Variants in ERBB4 observed in about 807,000 individuals in gnomAD.
The protein encoded by ERBB4 is erb-b2 receptor tyrosine kinase 4.
In ERBB4, 42 loss-of-function variants were observed where a neutral mutation model predicts 158.0. That is an observed-to-expected ratio of 0.27 (90% CI 0.21 to 0.34). ERBB4 has a LOEUF of 0.34. ERBB4 is among the 10% of genes least tolerant of loss of function. The pLI is 1.00. For missense variants in ERBB4, 1,333 were observed against 1,624.1 expected, an observed-to-expected ratio of 0.82 and a Z score of 3.08; for synonymous variants, 583 against 558.7, an observed-to-expected ratio of 1.04 and a Z score of -0.61.
chr2:211,953,392 G>A (rs989700325), intron 2 of ERBB4, among the ~76,000 whole-genome samples: 3 of 133,488 alleles, frequency 2.2e-5, no homozygotes, highest in Non-Finnish European at 3.2e-5. Flanking sequence ...ATTTAAAAAA[G>A]TAAATAAAAC....
rs139550642 is a variant in ERBB4 at position 211,897,076 on chromosome 2, A to G, written c.421+50354T>C. On this transcript the variant is annotated intron_variant, in intron 3 of 27. Coordinates refer to ENST00000342788, the MANE Select transcript of ERBB4 (RefSeq NM_005235.3). Reference sequence around the variant, plus strand: ...ACAAATTATTATATAAGTATAGAATATATTCTATATTATAAAAACACTATG... The same window carrying G: ...ACAAATTATTATATAAGTATAGAATGTATTCTATATTATAAAAACACTATG... 5.9e-4 allele frequency among the ~76,000 whole-genome samples: 89 copies of G among 150,208 alleles called. No homozygotes were observed. The East Asian group carries it at 0.017, about 29-fold the overall frequency.
intron 3 of ERBB4, among the ~76,000 whole-genome samples, chr2:211,913,606 A>AT (rs1553511614): frequency 4.6e-4 from 63 of 136,342 alleles, no homozygotes; most frequent in South Asian, 4.3e-3. Flanking sequence ...ATTTCAAAAA[A>AT]ATATATATAT....
At chr2:211,806,059 T>G (rs2076605861) in intron 3 of ERBB4, among the ~76,000 whole-genome samples, 1 of 152,002 alleles carries the variant, frequency 6.6e-6, no homozygotes, top group South Asian at 2.1e-4. Context: ...ATCAATAAAT[T>G]GAGGCAAATA....
intron 1 of ERBB4, among the ~76,000 whole-genome samples, chr2:212,457,087 C>T (rs1303885480): frequency 1.3e-5 from 2 of 151,762 alleles, no homozygotes; most frequent in Non-Finnish European, 2.9e-5. Context: ...GGCAGGGGTA[C>T]CTAAAAGATA....
At chr2:212,288,563 C>G (rs914044034) in intron 1 of ERBB4, among the ~76,000 whole-genome samples, 160 of 152,222 alleles carry the variant, frequency 1.1e-3, no homozygotes, top group African/African-American at 3.8e-3. Flanking sequence ...GCATAGTAAC[C>G]TGGAATTCAG....
chr2:211,462,809 A>C (rs890340893), intron 20 of ERBB4, among the ~76,000 whole-genome samples: 5 of 152,206 alleles, frequency 3.3e-5, no homozygotes, highest in Non-Finnish European at 7.3e-5. Context: ...ATATTTAAAT[A>C]GTTCATATTG....
chr2:212,479,824 GCA>G (rs1689595528), intron 1 of ERBB4, among the ~76,000 whole-genome samples: 1 of 152,188 alleles, frequency 6.6e-6, no homozygotes, highest in African/African-American at 2.4e-5. Flanking sequence ...GAAAGAGGTA[GCA>G]CACAGAGAGG....
At chr2:212,124,729 G>A (rs746812363) in intron 2 of ERBB4, 23 bp downstream of exon 2, 5 of 1,613,686 alleles carry the variant, frequency 3.1e-6, no homozygotes, top group East Asian at 2.2e-5. Context: ...TCACAAAGAA[G>A]AGAAAGAAAG....
Position 212,538,557 on chromosome 2 carries a change from G to A in ERBB4, c.-27C>T, listed in dbSNP as rs371640361. 2 of 1,602,410 alleles carry A rather than the reference G, an allele frequency of 1.2e-6. No homozygotes were observed. The highest frequency in any genetic ancestry group is 1.7e-6 in the Non-Finnish European group (2 of 1,169,400). On this transcript the variant is annotated 5_prime_UTR_variant, in exon 1 of 28. Coordinates refer to ENST00000342788, the MANE Select transcript of ERBB4 (RefSeq NM_005235.3). ...TTTTGGAAGTCTCAGATCCCGTGCT[G>A]ACAATTACATGTCCAAATGGCATAT...
chr2:211,942,046 C>T (rs2080514081), intron 3 of ERBB4, among the ~76,000 whole-genome samples: 1 of 152,038 alleles, frequency 6.6e-6, no homozygotes, highest in African/African-American at 2.4e-5. Context: ...GGTCTTTGCA[C>T]AGAGATTTTT....
chr2:211,494,228 C>T (rs2065414492), intron 20 of ERBB4, among the ~76,000 whole-genome samples: 1 of 152,052 alleles, frequency 6.6e-6, no homozygotes, highest in Non-Finnish European at 1.5e-5. Flanking sequence ...GTCTCAAACT[C>T]CTGACCTCAG....
intron 4 of ERBB4, among the ~76,000 whole-genome samples, chr2:211,762,061 G>A (rs545755652): frequency 3.9e-5 from 6 of 152,128 alleles, no homozygotes; most frequent in Non-Finnish European, 7.3e-5. Flanking sequence ...CAAAGTACCT[G>A]GCTTGTAATA....
chr2:212,079,214 T>C (rs1278979092), intron 2 of ERBB4, among the ~76,000 whole-genome samples: 4 of 68,890 alleles, frequency 5.8e-5, no homozygotes, highest in African/African-American at 8.7e-5. Flanking sequence ...TTAAGAGCAA[T>C]TGCCAAATTT....
At chr2:212,534,049 G>A (rs1692899254) in intron 1 of ERBB4, among the ~76,000 whole-genome samples, 1 of 152,174 alleles carries the variant, frequency 6.6e-6, no homozygotes, top group South Asian at 2.1e-4. Flanking sequence ...TTTCATTTAT[G>A]TTTTAGGCAC....
In ERBB4 at chr2:212,250,513, G is replaced by A. The variant is rs530537970; in HGVS notation, c.83-125610C>T. Reference sequence around the variant, plus strand: ...CTCTGTTCTAGATAAATGAGATTGCGAGATATTTAACTTCATTGAGTAATG... The same window carrying A: ...CTCTGTTCTAGATAAATGAGATTGCAAGATATTTAACTTCATTGAGTAATG... On this transcript the variant is annotated intron_variant, in intron 1 of 27. Coordinates refer to ENST00000342788, the MANE Select transcript of ERBB4 (RefSeq NM_005235.3). Among the ~76,000 whole-genome samples the A allele has an allele frequency of 7.9e-5, 12 of 151,924 alleles. No individual in the cohort carries two copies. In the South Asian group the frequency reaches 1.7e-3, roughly 21 times the overall value.
intron 4 of ERBB4, among the ~76,000 whole-genome samples, chr2:211,775,111 G>A (rs1389362820): frequency 6.6e-6 from 1 of 152,106 alleles, no homozygotes; most frequent in Non-Finnish European, 1.5e-5. Flanking sequence ...AACTTACAGG[G>A]GAATTAAGTA....
chr2:211,442,867 C>T (rs1237579689), intron 20 of ERBB4, among the ~76,000 whole-genome samples: 1 of 151,794 alleles, frequency 6.6e-6, no homozygotes, highest in Non-Finnish European at 1.5e-5. Flanking sequence ...TTGTTCAAGT[C>T]CGAAAAATAA....
intron 4 of ERBB4, among the ~76,000 whole-genome samples, chr2:211,784,250 G>A (rs1321400491): frequency 1.3e-5 from 2 of 152,226 alleles, no homozygotes; most frequent in South Asian, 4.2e-4. Context: ...AGAGCAATTG[G>A]ACATTTAGCC....
intron 20 of ERBB4, among the ~76,000 whole-genome samples, chr2:211,500,426 A>G (rs1176600750): frequency 6.6e-6 from 1 of 152,126 alleles, no homozygotes; most frequent in Non-Finnish European, 1.5e-5. Flanking sequence ...AAACTGACTT[A>G]GTTGCCACAG....
Sources: allele counts gnomAD v4.1 joint callset (sites outside exome capture counted in the v4.1 genomes callset), GRCh38; gene constraint gnomAD v4.1.1; transcripts MANE v1.5; gene names NCBI Gene and HGNC (gene_info 2026-07-23, HGNC 2026-07-21).